The following ELFN1 variants were observed in gnomAD, a reference collection of about 807,000 sequenced individuals.
The protein encoded by ELFN1 is protein ELFN1.
Under a neutral mutation model 7.6 loss-of-function variants are expected in ELFN1, and 6 were observed. The observed-to-expected ratio is 0.79, with a 90% CI of 0.43 to 1.56. The LOEUF (loss-of-function observed/expected upper bound fraction) is 1.56. Ranked by LOEUF, ELFN1 falls within the 40% of genes most tolerant of loss-of-function variation. ELFN1 has a pLI of 0.01. For missense variants in ELFN1, 1,169 were observed against 1,232.2 expected (o/e 0.95, Z 0.77); for synonymous variants, 657 against 588.1 (o/e 1.12, Z -1.70).
chr7:1,731,661 A>G (rs1203365490), intron 3 of ELFN1, among the ~76,000 whole-genome samples: 2 of 152,142 alleles, frequency 1.3e-5, no homozygotes, highest in Non-Finnish European at 2.9e-5. Flanking sequence ...ATTTATTTAT[A>G]TATTTTTTGA....
intron 2 of ELFN1, among the ~76,000 whole-genome samples, chr7:1,689,622 T>A (rs1779119640): frequency 6.6e-6 from 1 of 152,158 alleles, no homozygotes; most frequent in South Asian, 2.1e-4. Context: ...GAAAAGCATA[T>A]CCTGTCTCCT....
chr7:1,741,745 T>C (rs1349905725), intron 3 of ELFN1, among the ~76,000 whole-genome samples: 9 of 152,092 alleles, frequency 5.9e-5, no homozygotes, highest in African/African-American at 2.2e-4. Context: ...CCCGTGCATG[T>C]GTGAACATGA....
chr7:1,721,315 C>G (rs1780014830), intron 3 of ELFN1, among the ~76,000 whole-genome samples: 1 of 152,216 alleles, frequency 6.6e-6, no homozygotes, highest in Non-Finnish European at 1.5e-5. Context: ...CACTGTGTAA[C>G]TCAGGGAAAA....
chr7:1,725,827 TCAGA>T (rs982810696), intron 3 of ELFN1, among the ~76,000 whole-genome samples: 1 of 151,746 alleles, frequency 6.6e-6, no homozygotes, highest in Non-Finnish European at 1.5e-5. Flanking sequence ...AAAGTCACAC[TCAGA>T]CACACATAAT....
At chr7:1,702,649 CAT>C (rs750982579) in intron 2 of ELFN1, among the ~76,000 whole-genome samples, 11 of 151,114 alleles carry the variant, frequency 7.3e-5, no homozygotes, top group Admixed American at 1.3e-4. Context: ...TCATTACAGA[CAT>C]ATAGAAATTC....
intron 3 of ELFN1, among the ~76,000 whole-genome samples, chr7:1,710,226 A>G (rs1366042500): frequency 6.6e-6 from 1 of 152,224 alleles, no homozygotes; most frequent in Admixed American, 6.5e-5. Flanking sequence ...ATGGACCACA[A>G]GAGGAAGGCA....
At chr7:1,717,750 C>A (rs922013983) in intron 3 of ELFN1, among the ~76,000 whole-genome samples, 3 of 152,096 alleles carry the variant, frequency 2.0e-5, no homozygotes, top group African/African-American at 7.2e-5. Flanking sequence ...CTCCAACACA[C>A]GTGGCATGTG....
chr7:1,689,948 T>C (rs548268383), intron 2 of ELFN1, among the ~76,000 whole-genome samples: 1 of 152,340 alleles, frequency 6.6e-6, no homozygotes, highest in Non-Finnish European at 1.5e-5. Flanking sequence ...TCTGGACACC[T>C]GGCATCTGGA....
At chr7:1,666,074 A>AGCCGCC (rs908277705), upstream of ELFN1, among the ~76,000 whole-genome samples, 5 of 148,808 alleles carry the variant, frequency 3.4e-5, no homozygotes, top group East Asian at 2.0e-4. This position sits in a 1 kb window ranked among gnomAD's most constrained non-coding sequence, Gnocchi z 7.9. Context: ...AAGGAGGGGA[A>AGCCGCC]GCCGCCGCCG....
intron 3 of ELFN1, among the ~76,000 whole-genome samples, chr7:1,719,702 A>C (rs893846980): frequency 6.6e-6 from 1 of 152,234 alleles, no homozygotes; most frequent in Non-Finnish European, 1.5e-5. Flanking sequence ...AACAGGGCCC[A>C]GAGGAATCTC....
chr7:1,693,692 A>G (rs941560310), intron 2 of ELFN1: 1 of 470,832 alleles, frequency 2.1e-6, no homozygotes, highest in African/African-American at 2.0e-5. Flanking sequence ...CTGTGTGTCT[A>G]CAGACAGCTG....
rs1237226558 is a variant in ELFN1, at chr7:1,735,439, C to T, written c.-293-8865C>T. On this transcript the variant is annotated intron_variant, in intron 3 of 3. Transcript: ENST00000424383. This position sits in a 1 kb window ranked among gnomAD's most constrained non-coding sequence, Gnocchi z 5.9. ...GTCCCCTCCGTTCTACTCCCCAGCC[C>T]GGCCTCCTGGAGGGCAAGGCGGAGG... 2.0e-5 allele frequency among the ~76,000 whole-genome samples: 3 copies of T among 152,082 alleles called. No homozygotes were observed. Among genetic ancestry groups the T allele is most frequent in the Non-Finnish European group, 2.9e-5 (2 of 67,996 alleles).
At chr7:1,732,508 A>C (rs1336506016) in intron 3 of ELFN1, among the ~76,000 whole-genome samples, 1 of 152,190 alleles carries the variant, frequency 6.6e-6, no homozygotes, top group Non-Finnish European at 1.5e-5. Context: ...ATTACTCAAC[A>C]TAGTGTCAGG....
chr7:1,725,548 G>A (rs1359208325), intron 3 of ELFN1, among the ~76,000 whole-genome samples: 1 of 152,200 alleles, frequency 6.6e-6, no homozygotes, highest in Non-Finnish European at 1.5e-5. Flanking sequence ...CATTGACTAA[G>A]TCACTCCTGA....
In ELFN1 at chr7:1,741,129, CAA is replaced by C. The variant is rs34300810; in HGVS notation, c.-293-3157_-293-3156del. Among the ~76,000 whole-genome samples, 990 of 116,840 alleles carry C rather than the reference CAA, an allele frequency of 8.5e-3. 17 individuals carry two copies. Among genetic ancestry groups the C allele is most frequent in the African/African-American group, 0.031 (929 of 30,338 alleles). The allele number at this position is 116,840 out of a possible 152,430, so 76.7% of individuals were successfully genotyped here. On this transcript the variant is annotated intron_variant, in intron 3 of 3. Transcript: ENST00000424383. ...TGGGTGACAGAGCAAGACTCTGTCT[CAA>C]AAAAAAAAAAAAAAAAAGAAGAAAG...
intron 3 of ELFN1, among the ~76,000 whole-genome samples, chr7:1,733,537 T>G (rs1780368433): frequency 1.3e-5 from 2 of 152,106 alleles, no homozygotes; most frequent in Admixed American, 1.3e-4. Flanking sequence ...CCCTTCCGAC[T>G]GTGGAAACAT....
chr7:1,717,314 G>C (rs1468835079), intron 3 of ELFN1, among the ~76,000 whole-genome samples: 1 of 152,228 alleles, frequency 6.6e-6, no homozygotes, highest in Non-Finnish European at 1.5e-5. Flanking sequence ...AGCTTAGGCT[G>C]CTCAGGACAT....
chr7:1,725,959 A>ACACT (rs10647976), intron 3 of ELFN1, among the ~76,000 whole-genome samples: 32,705 of 151,926 alleles, frequency 0.22, 4,237 homozygotes, highest in African/African-American at 0.37. Flanking sequence ...CACAAAAGTC[A>ACACT]CACAATACAC....
Position 1,740,521 on chromosome 7 carries a change from C to G in ELFN1, c.-293-3783C>G, listed in dbSNP as rs952916640. Among the ~76,000 whole-genome samples, 1 of 152,156 alleles carries G rather than the reference C, an allele frequency of 6.6e-6. No homozygotes were observed. Among genetic ancestry groups the G allele is most frequent in the African/African-American group, 2.4e-5 (1 of 41,428 alleles). ...GCGGATCAGCGAGGGCACAGGCTGG[C>G]GGGGCATCGAGAGTGACTTGAGTGA... On this transcript the variant is annotated intron_variant, in intron 3 of 3. Coordinates refer to ENST00000424383, the MANE Select transcript of ELFN1 (RefSeq NM_001128636.4). The surrounding 1 kb of genome is among the most constrained non-coding windows in gnomAD (Gnocchi z 5.0).
Sources: allele counts gnomAD v4.1 joint callset (sites outside exome capture counted in the v4.1 genomes callset), GRCh38; gene constraint gnomAD v4.1.1; non-coding constraint Gnocchi (gnomAD v3.1); transcripts MANE v1.5; gene names NCBI Gene and HGNC (gene_info 2026-07-23, HGNC 2026-07-21).